Variants in SEMA6D observed in about 807,000 individuals in gnomAD.
SEMA6D encodes semaphorin-6D.
SEMA6D carries 35 observed loss-of-function variants against 106.6 expected under a neutral mutation model. The ratio of observed to expected loss-of-function variants is 0.33; its 90% CI spans 0.25 to 0.44. The LOEUF is 0.44. Ranked by LOEUF, SEMA6D falls within the 20% of genes least tolerant of loss-of-function variation. The probability of loss-of-function intolerance (pLI) is 1.00; values close to 1 mark genes in which losing one functional copy is unlikely to be tolerated. For synonymous variants in SEMA6D, 499 were observed against 487.7 expected (o/e 1.02, Z -0.31); for missense variants, 1,185 against 1,345.9 (o/e 0.88, Z 1.87).
At chr15:47,310,568 CA>C (rs1372966260) in intron 1 of SEMA6D, among the ~76,000 whole-genome samples, 11 of 142,724 alleles carry the variant, frequency 7.7e-5, no homozygotes, top group Admixed American at 4.4e-4. Context: ...TCAATATATT[CA>C]AATATAGTTC....
intron 3 of SEMA6D, among the ~76,000 whole-genome samples, chr15:47,475,752 A>T (rs1050002404): frequency 6.6e-6 from 1 of 152,178 alleles, no homozygotes; most frequent in Non-Finnish European, 1.5e-5. Flanking sequence ...CATGGTATTA[A>T]ATCAGTTTTA....
At chr15:47,761,616 C>A in intron 6 of SEMA6D, 45 bp from the exon 7 acceptor site, 2 of 1,429,628 alleles carry the variant, frequency 1.4e-6, no homozygotes, top group Non-Finnish European at 1.9e-6. Context: ...TTCAAACGGG[C>A]ACGTTGAATA....
chr15:47,674,303 C>T (rs1361286116), intron 4 of SEMA6D, among the ~76,000 whole-genome samples: 1 of 152,082 alleles, frequency 6.6e-6, no homozygotes, highest in Non-Finnish European at 1.5e-5. Context: ...AGGTGAGTGT[C>T]GAGGAAGGTT....
chr15:47,757,853 A>G (rs915958110), intron 1 of SEMA6D, among the ~76,000 whole-genome samples: 24 of 152,154 alleles, frequency 1.6e-4, no homozygotes, highest in African/African-American at 5.8e-4. Context: ...GAGAGGTCTA[A>G]CTTTTCTCAG....
chr15:47,645,743 G>A (rs2077571202), intron 4 of SEMA6D, among the ~76,000 whole-genome samples: 1 of 152,112 alleles, frequency 6.6e-6, no homozygotes, highest in Non-Finnish European at 1.5e-5. Flanking sequence ...AGCCCCGGGT[G>A]GTTGGCCTGT....
chr15:47,333,310 A>T lies in SEMA6D; in HGVS notation c.-238-79083A>T, dbSNP rs190539629. 1.0e-3 allele frequency among the ~76,000 whole-genome samples: 158 copies of T among 152,294 alleles called. 1 individual carries two copies. The Middle Eastern group carries it at 0.014, about 13-fold the overall frequency. On this transcript the variant is annotated intron_variant, in intron 1 of 19. Coordinates refer to the SEMA6D transcript ENST00000558014. The stretch of plus-strand genomic sequence containing the variant: ...TTGTGAAGTGTATATCATAATGTAA[A>T]ATAGAATAATTGATCAAAACCTAAA...
intron 4 of SEMA6D, among the ~76,000 whole-genome samples, chr15:47,647,284 A>C (rs1240875408): frequency 1.3e-5 from 2 of 152,228 alleles, no homozygotes; most frequent in Non-Finnish European, 2.9e-5. Flanking sequence ...CAACAAGTAC[A>C]AACAGAATTG....
At chr15:47,398,279 A>G (rs1429864010) in intron 1 of SEMA6D, among the ~76,000 whole-genome samples, 1 of 152,164 alleles carries the variant, frequency 6.6e-6, no homozygotes. Context: ...AGCCTGTTTA[A>G]TTCTGGCCGG....
At chr15:47,401,745 A>G (rs2040408010) in intron 1 of SEMA6D, among the ~76,000 whole-genome samples, 1 of 152,186 alleles carries the variant, frequency 6.6e-6, no homozygotes, top group South Asian at 2.1e-4. Flanking sequence ...AAATTAGGAA[A>G]GTCGCTACAC....
intron 3 of SEMA6D, among the ~76,000 whole-genome samples, chr15:47,496,404 C>T (rs181164716): frequency 1.3e-5 from 2 of 152,154 alleles, no homozygotes; most frequent in East Asian, 1.9e-4. Flanking sequence ...AACACTTTCC[C>T]GTGTCCTCAG....
rs1334136630 is a variant in SEMA6D, at chr15:47,531,199, A to C, written c.-87+60654A>C. Among the ~76,000 whole-genome samples the C allele has an allele frequency of 3.3e-5, 5 of 152,318 alleles. No homozygotes were observed. In the East Asian group the frequency reaches 9.7e-4, roughly 29 times the overall value. ...CCTACCAAGTTAGACTCCAGGGAAG[A>C]AACCATGTATTGTCAATTTGCTATA... is the stretch of plus-strand genomic sequence containing the variant. On this transcript the variant is annotated intron_variant, in intron 3 of 19. Transcript: ENST00000558014.
rs190951744 is a variant in SEMA6D at position 47,461,393 on chromosome 15, C to T, written c.-158-9081C>T. Among the ~76,000 whole-genome samples the T allele has an allele frequency of 2.2e-4, 34 of 152,044 alleles. 1 individual carries two copies. The East Asian group carries it at 6.6e-3, about 29-fold the overall frequency. ...CATAAATACACAGACCTTGTGCTTT[C>T]TCCCCCACTATTATATCTGAAGCAC... On this transcript the variant is annotated intron_variant, in intron 2 of 19. Transcript: ENST00000558014.
At chr15:47,210,959 A>C (rs894637386) in intron 1 of SEMA6D, among the ~76,000 whole-genome samples, 1 of 152,028 alleles carries the variant, frequency 6.6e-6, no homozygotes, top group Admixed American at 6.5e-5. Flanking sequence ...TATAATGTCA[A>C]TGCTCATATA....
At chr15:47,320,783 T>C (rs2036893505) in intron 1 of SEMA6D, among the ~76,000 whole-genome samples, 1 of 152,156 alleles carries the variant, frequency 6.6e-6, no homozygotes, top group South Asian at 2.1e-4. Flanking sequence ...AGAAATCAAG[T>C]GTCTCCTATT....
chr15:47,353,004 G>C (rs149711073), intron 1 of SEMA6D, among the ~76,000 whole-genome samples: 79 of 152,234 alleles, frequency 5.2e-4, no homozygotes, highest in Non-Finnish European at 7.8e-4. Flanking sequence ...ACTGTACACA[G>C]ATGTCGTAAG....
chr15:47,213,235 A>C (rs2030218729), intron 1 of SEMA6D, among the ~76,000 whole-genome samples: 1 of 152,234 alleles, frequency 6.6e-6, no homozygotes, highest in Non-Finnish European at 1.5e-5. Context: ...CAAATACAGA[A>C]TACTTCCATC....
rs541288185 is a variant in SEMA6D at position 47,735,214 on chromosome 15, C to A, written c.-55+17522C>A. On this transcript the variant is annotated intron_variant, in intron 1 of 18. Transcript: ENST00000536845. The stretch of plus-strand genomic sequence containing the variant: ...ATGGGCACTAACCAATCAAAACAGA[C>A]CCCACAATGTGGTACCAAGTGATTG... Among the ~76,000 whole-genome samples, 4 of 152,306 alleles carry A rather than the reference C, an allele frequency of 2.6e-5. No individual in the cohort carries two copies. The South Asian group carries it at 8.3e-4, about 32-fold the overall frequency.
chr15:47,638,135 A>T (rs2077424813), intron 4 of SEMA6D, among the ~76,000 whole-genome samples: 1 of 151,934 alleles, frequency 6.6e-6, no homozygotes, highest in African/African-American at 2.4e-5. Flanking sequence ...CCAATTTCTT[A>T]ATTCCCTGGA....
chr15:47,231,519 T>G (rs566410153), intron 1 of SEMA6D, among the ~76,000 whole-genome samples: 1 of 152,060 alleles, frequency 6.6e-6, no homozygotes, highest in South Asian at 2.1e-4. Flanking sequence ...TCCCACTCTT[T>G]CCAGGCAGGG....
Sources: allele counts gnomAD v4.1 joint callset (sites outside exome capture counted in the v4.1 genomes callset), GRCh38; gene constraint gnomAD v4.1.1; transcripts MANE v1.5; gene names NCBI Gene and HGNC (gene_info 2026-07-23, HGNC 2026-07-21).